Variants in LPP observed in about 807,000 individuals in gnomAD.
The protein encoded by LPP is lipoma-preferred partner.
Under a neutral mutation model 60.4 loss-of-function variants are expected in LPP, and 38 were observed. The observed-to-expected ratio is 0.63, with a 90% CI of 0.49 to 0.83. The LOEUF is 0.83. Ranked by LOEUF, LPP falls within the 40% of genes least tolerant of loss-of-function variation. The pLI is 0.00. For synonymous variants in LPP, 328 were observed against 290.8 expected (o/e 1.13, Z -1.30); for missense variants, 902 against 783.6 (o/e 1.15, Z -1.80).
At chr3:188,172,565 GTTA>G (rs1721888172) in intron 1 of LPP, among the ~76,000 whole-genome samples, 1 of 151,982 alleles carries the variant, frequency 6.6e-6, no homozygotes, top group Non-Finnish European at 1.5e-5. Context: ...TGTTTTTTTT[GTTA>G]TTGTTGTCTT....
chr3:188,669,393 G>A (rs920438601), intron 7 of LPP, among the ~76,000 whole-genome samples: 1 of 152,000 alleles, frequency 6.6e-6, no homozygotes, highest in Admixed American at 6.6e-5. Flanking sequence ...TGACTAACAT[G>A]GTGAAACCCC....
At chr3:188,589,205 T>C (rs1220097734) in intron 6 of LPP, among the ~76,000 whole-genome samples, 3 of 152,022 alleles carry the variant, frequency 2.0e-5, no homozygotes, top group Non-Finnish European at 4.4e-5. Context: ...TTCCTTATTT[T>C]TGCATTAAGC....
intron 3 of LPP, among the ~76,000 whole-genome samples, chr3:188,401,194 AG>A (rs1782161157): frequency 6.6e-6 from 1 of 152,118 alleles, no homozygotes; most frequent in Non-Finnish European, 1.5e-5. Flanking sequence ...TAATACCTGG[AG>A]TTTTCACTCT....
chr3:188,339,633 G>A (rs565836909), intron 2 of LPP, among the ~76,000 whole-genome samples: 57 of 152,226 alleles, frequency 3.7e-4, no homozygotes, highest in Non-Finnish European at 6.3e-4. Flanking sequence ...ATCAGATCTC[G>A]TGAGACTCAC....
At chr3:188,380,285 T>C (rs1776514200) in intron 3 of LPP, among the ~76,000 whole-genome samples, 1 of 152,276 alleles carries the variant, frequency 6.6e-6, no homozygotes, top group South Asian at 2.1e-4. Context: ...TAGATTATAG[T>C]TATAAATGTT....
At chr3:188,690,989 C>G (rs954445843) in intron 7 of LPP, among the ~76,000 whole-genome samples, 2 of 152,086 alleles carry the variant, frequency 1.3e-5, no homozygotes, top group Non-Finnish European at 2.9e-5. Context: ...TAAGATACTT[C>G]TATCCATATT....
intron 9 of LPP, among the ~76,000 whole-genome samples, chr3:188,817,262 A>G (rs1378446467): frequency 1.3e-5 from 2 of 152,160 alleles, no homozygotes; most frequent in East Asian, 1.9e-4. Context: ...TTCTTCCTCT[A>G]CAGATCTCCT....
intron 5 of LPP, among the ~76,000 whole-genome samples, chr3:188,504,510 G>A (rs2149919764): frequency 6.6e-6 from 1 of 152,038 alleles, no homozygotes; most frequent in South Asian, 2.1e-4. Context: ...ATTTTTTGTT[G>A]TTGTTGAAAA....
At position 188,698,215 on chromosome 3, in the gene LPP, C is replaced by G. The variant is rs529683198; in HGVS notation, c.1114-10052C>G. 3.9e-5 allele frequency among the ~76,000 whole-genome samples: 6 copies of G among 152,176 alleles called. No individual in the cohort carries two copies. In the South Asian group the frequency reaches 1.0e-3, roughly 26 times the overall value. On this transcript the variant is annotated intron_variant, in intron 7 of 11. Transcript: ENST00000617246. ...GAGTCACTGCCAGGCATGTGGGGCA[C>G]AGCAAAGGCCAAAATATGGTTTTAG...
chr3:188,668,850 G>T (rs562458401), intron 7 of LPP, among the ~76,000 whole-genome samples: 20 of 152,186 alleles, frequency 1.3e-4, no homozygotes, highest in Middle Eastern at 3.4e-3. Context: ...CAGCTTTTTG[G>T]CTAAGATCAA....
chr3:188,264,726 T>C (rs1303263094), intron 2 of LPP, among the ~76,000 whole-genome samples: 1 of 152,166 alleles, frequency 6.6e-6, no homozygotes, highest in African/African-American at 2.4e-5. Context: ...GTCATTGTCC[T>C]GGTCACTTCC....
chr3:188,182,168 A>G lies in LPP; in HGVS notation c.-190+27916A>G, dbSNP rs768061300. On this transcript the variant is annotated intron_variant, in intron 1 of 11. Coordinates refer to ENST00000617246, the MANE Select transcript of LPP (RefSeq NM_001375462.1). This position sits in a 1 kb window ranked among gnomAD's most constrained non-coding sequence, Gnocchi z 4.4. ...ATGCTCAGCAAATCTGTGTGGAACG[A>G]TTGCCTTAGGCTGCAAGTTTATCCC... Among the ~76,000 whole-genome samples, 12 of 152,174 alleles carry G rather than the reference A, an allele frequency of 7.9e-5. No individual in the cohort carries two copies. Among genetic ancestry groups the G allele is most frequent in the Non-Finnish European group, 1.8e-4 (12 of 68,022 alleles).
At position 188,530,721 on chromosome 3, in the gene LPP, C is replaced by A. The variant is rs116638890; in HGVS notation, c.429+5934C>A. Reference sequence around the variant, plus strand: ...ATTCCAAAAAGTCTTTCTTTTATGGCGTCTTCTTTAAAATAAGTCTCAAAC... The same window carrying A: ...ATTCCAAAAAGTCTTTCTTTTATGGAGTCTTCTTTAAAATAAGTCTCAAAC... On this transcript the variant is annotated intron_variant, in intron 6 of 11. Transcript: ENST00000617246. Among the ~76,000 whole-genome samples, 387 of 152,272 alleles carry A rather than the reference C, an allele frequency of 2.5e-3. 4 individuals carry two copies. The highest frequency in any genetic ancestry group is 8.9e-3 in the African/African-American group (371 of 41,534).
intron 6 of LPP, among the ~76,000 whole-genome samples, chr3:188,562,843 AC>A (rs1831055883): frequency 1.3e-5 from 2 of 152,080 alleles, no homozygotes; most frequent in Non-Finnish European, 2.9e-5. Context: ...ATAGGATAAA[AC>A]AATGTTGTTC....
rs367716175 is a variant in LPP at position 188,668,156 on chromosome 3, GA to G, written c.1114-40100del. Among the ~76,000 whole-genome samples, 932 of 144,202 alleles carry G rather than the reference GA, an allele frequency of 6.5e-3. 8 individuals carry two copies. The highest frequency in any genetic ancestry group is 0.022 in the African/African-American group (869 of 39,512). The allele number at this position is 144,202 out of a possible 152,430, so 94.6% of individuals were successfully genotyped here. A position where few individuals can be genotyped will look rare whatever the true frequency, so the allele number is the denominator to read the frequency against. On this transcript the variant is annotated intron_variant, in intron 7 of 11. Transcript: ENST00000617246. Reference sequence around the variant, plus strand: ...ATTTTGGAATCCGGAGTTTAAGTTTGAAAAAAAAAAATGGTATCTGGTACAT... The same window carrying G: ...ATTTTGGAATCCGGAGTTTAAGTTTGAAAAAAAAAATGGTATCTGGTACAT...
chr3:188,473,346 G>GA (rs1170274399), intron 4 of LPP, among the ~76,000 whole-genome samples: 4 of 152,006 alleles, frequency 2.6e-5, no homozygotes, highest in African/African-American at 9.7e-5. Context: ...TCTCTTTTCT[G>GA]GTCTAGAATT....
intron 1 of LPP, among the ~76,000 whole-genome samples, chr3:188,177,347 T>C (rs1242336091): frequency 6.6e-6 from 1 of 152,216 alleles, no homozygotes; most frequent in Non-Finnish European, 1.5e-5. Context: ...TTGGAGAATC[T>C]GTCCAGGGTG....
At position 188,207,475 on chromosome 3, in the gene LPP, G is replaced by A. The variant is rs537953729; in HGVS notation, c.-189-17930G>A. On this transcript the variant is annotated intron_variant, in intron 1 of 11. Coordinates refer to ENST00000617246, the MANE Select transcript of LPP (RefSeq NM_001375462.1). Reference sequence around the variant, plus strand: ...TTGAACTCCTGACCTCAGGTGATCCGCCTGCCTCGGCCTCCCAAAGTGCTG... The same window carrying A: ...TTGAACTCCTGACCTCAGGTGATCCACCTGCCTCGGCCTCCCAAAGTGCTG... Among the ~76,000 whole-genome samples, 55 of 151,732 alleles carry A rather than the reference G, an allele frequency of 3.6e-4. 1 individual carries two copies. The South Asian group carries it at 9.0e-3, about 25-fold the overall frequency.
intron 5 of LPP, among the ~76,000 whole-genome samples, chr3:188,485,999 A>G (rs1001765493): frequency 3.3e-5 from 5 of 151,950 alleles, no homozygotes; most frequent in African/African-American, 1.2e-4. Context: ...ATATTGAATT[A>G]TTGCTCATTA....
Sources: allele counts gnomAD v4.1 joint callset (sites outside exome capture counted in the v4.1 genomes callset), GRCh38; gene constraint gnomAD v4.1.1; non-coding constraint Gnocchi (gnomAD v3.1); transcripts MANE v1.5; gene names NCBI Gene and HGNC (gene_info 2026-07-23, HGNC 2026-07-21).